The following DCHS2 variants were observed in gnomAD, a reference collection of about 807,000 sequenced individuals.
DCHS2 encodes the protein protocadherin-23.
In DCHS2, 142 loss-of-function variants were observed where a neutral mutation model predicts 182.4. The observed-to-expected ratio is 0.78, with a 90% CI of 0.68 to 0.89. The LOEUF (loss-of-function observed/expected upper bound fraction) is 0.89. DCHS2 is among the 40% of genes least tolerant of loss of function. DCHS2 has a pLI of 0.00. For missense variants in DCHS2, 4,319 were observed against 4,198.6 expected (o/e 1.03, Z -0.79); for synonymous variants, 1,740 against 1,663.3 (o/e 1.05, Z -1.12).
intron 1 of DCHS2, among the ~76,000 whole-genome samples, chr4:154,397,201 T>A (rs1297328736): frequency 6.6e-6 from 1 of 152,158 alleles, no homozygotes; most frequent in Non-Finnish European, 1.5e-5. Context: ...GAAAGAGACA[T>A]AAACAGTAAC....
intron 9 of DCHS2, among the ~76,000 whole-genome samples, chr4:154,318,871 T>C (rs1160324174): frequency 6.6e-6 from 1 of 152,032 alleles, no homozygotes; most frequent in Non-Finnish European, 1.5e-5. Context: ...AAATGGAATC[T>C]CAAAGAACCC....
At chr4:154,329,374 A>G in intron 6 of DCHS2, 149 bp downstream of exon 6, 2 of 746,514 alleles carry the variant, frequency 2.7e-6, no homozygotes, top group South Asian at 4.6e-5. Flanking sequence ...CTTTTAAAAT[A>G]ACATGTGCAC....
At chr4:154,373,906 A>T in intron 2 of DCHS2, 1 of 1,598,342 alleles carries the variant, frequency 6.3e-7, no homozygotes, top group Non-Finnish European at 8.5e-7. Context: ...TTATAGAAAC[A>T]TCATGTTCCT....
intron 13 of DCHS2, among the ~76,000 whole-genome samples, chr4:154,286,704 C>T (rs371293164): frequency 1.3e-5 from 2 of 151,914 alleles, no homozygotes; most frequent in African/African-American, 4.8e-5. Flanking sequence ...AGCACATCTA[C>T]AAGATCTAGA....
chr4:154,440,052 C>T (rs1295047720), intron 1 of DCHS2, among the ~76,000 whole-genome samples: 1 of 152,198 alleles, frequency 6.6e-6, no homozygotes, highest in African/African-American at 2.4e-5. Flanking sequence ...TCCTAACCAC[C>T]TTCTGGCAAA....
chr4:154,440,296 G>A lies in DCHS2; in HGVS notation c.2052+49008C>T, dbSNP rs558229997. On this transcript the variant is annotated intron_variant, in intron 1 of 19. Transcript: ENST00000357232. Reference sequence around the variant, plus strand: ...GTACTAAAAAAGTGTACGATTGATGGTTAGCAAACAAATGAAACTGTACTT... The same window carrying A: ...GTACTAAAAAAGTGTACGATTGATGATTAGCAAACAAATGAAACTGTACTT... Among the ~76,000 whole-genome samples, 16 of 152,302 alleles carry A rather than the reference G, an allele frequency of 1.1e-4. 1 individual carries two copies. In the South Asian group the frequency reaches 3.1e-3, roughly 30 times the overall value.
intron 16 of DCHS2, among the ~76,000 whole-genome samples, chr4:154,243,284 A>G (rs538007078): frequency 3.9e-5 from 6 of 152,342 alleles, no homozygotes; most frequent in Non-Finnish European, 7.3e-5. Flanking sequence ...GGACACCGCT[A>G]TGATGAACAC....
Position 154,490,551 on chromosome 4 carries a change from A to T in DCHS2, c.805T>A (p.Trp269Arg). Residue 269 changes from tryptophan (W) to arginine (R), a missense_variant, in exon 1 of 20, where the codon TGG becomes AGG. By Grantham distance (101) the Trp-to-Arg change is moderately radical. Coordinates refer to ENST00000357232, the MANE Select transcript of DCHS2 (RefSeq NM_001358235.2). ...GTGCGCCGGGGTCGGCCGCCGTCCC[A>T]TGCCTCGATCTGCAGCCGGTGCGCC... Reference protein sequence around the residue: ...AAAHRLQIEAWDGGRPRRTGL... With the variant: ...AAAHRLQIEARDGGRPRRTGL... 6.5e-7 allele frequency: 1 copy of T among 1,540,920 alleles called. No homozygotes were observed. Among genetic ancestry groups the T allele is most frequent in the Non-Finnish European group, 8.7e-7 (1 of 1,146,236 alleles).
chr4:154,333,376 G>C lies in DCHS2; in HGVS notation c.2832C>G (p.Pro944=). The change falls in exon 5 of 20, where the codon CCC becomes CCG. Residue 944 remains proline, a synonymous_variant. Coordinates refer to ENST00000357232, the MANE Select transcript of DCHS2 (RefSeq NM_001358235.2). ...TRKPLDHETQ[P]VVVLTVQAQL... ...GCGCCTGCACCGTGAGCACAACCAC[G>C]GGCTGCGTCTCGTGATCCAGGGGCT... 2 of 1,614,162 alleles carry C rather than the reference G, an allele frequency of 1.2e-6. No individual in the cohort carries two copies. The highest frequency in any genetic ancestry group is 2.2e-5 in the East Asian group (1 of 44,876).
rs1351908314 is a variant in DCHS2 at position 154,490,522 on chromosome 4, G to A, written c.834C>T (p.Gly278=). The A allele has an allele frequency of 2.6e-6, 4 of 1,536,146 alleles. No individual in the cohort carries two copies. The highest frequency in any genetic ancestry group is 3.5e-6 in the Non-Finnish European group (4 of 1,144,848). The change falls in exon 1 of 20, where the codon GGC becomes GGT. Residue 278 remains glycine, a synonymous_variant. Coordinates refer to ENST00000357232, the MANE Select transcript of DCHS2 (RefSeq NM_001358235.2). The part of the protein sequence containing the change: ...AWDGGRPRRT[G]LLSVELRVLD... ...GCACGCGCAGCTCCACGCTCAGGAGGCCGGTGCGCCGGGGTCGGCCGCCGT... is the reference window on the plus strand; with the variant it reads ...GCACGCGCAGCTCCACGCTCAGGAGACCGGTGCGCCGGGGTCGGCCGCCGT...
chr4:154,376,478 CAAAT>C (rs1730900843), intron 2 of DCHS2, among the ~76,000 whole-genome samples: 1 of 151,640 alleles, frequency 6.6e-6, no homozygotes, highest in Non-Finnish European at 1.5e-5. Flanking sequence ...AAAATAAAAA[CAAAT>C]AATCAAGCCT....
chr4:154,414,796 A>T (rs1055133974), intron 1 of DCHS2, among the ~76,000 whole-genome samples: 4 of 152,156 alleles, frequency 2.6e-5, no homozygotes, highest in African/African-American at 9.7e-5. Flanking sequence ...TGAAAATGAG[A>T]CCTTGCTCAC....
chr4:154,460,277 T>C (rs1023211686), intron 1 of DCHS2, among the ~76,000 whole-genome samples: 1 of 152,222 alleles, frequency 6.6e-6, no homozygotes, highest in African/African-American at 2.4e-5. Flanking sequence ...CAACCCCTTC[T>C]TAGACACACT....
intron 1 of DCHS2, among the ~76,000 whole-genome samples, chr4:154,436,800 T>G (rs1383935753): frequency 1.3e-5 from 2 of 152,194 alleles, no homozygotes; most frequent in African/African-American, 4.8e-5. Context: ...TGTATTACAA[T>G]GCACATGGAG....
chr4:154,360,454 G>A (rs980529107), intron 3 of DCHS2, among the ~76,000 whole-genome samples: 8 of 151,990 alleles, frequency 5.3e-5, no homozygotes, highest in African/African-American at 1.9e-4. Context: ...TGAAAGTAAC[G>A]TACACTGATT....
intron 12 of DCHS2, chr4:154,298,941 T>G: frequency 2.3e-6 from 1 of 425,958 alleles, no homozygotes; most frequent in East Asian, 4.1e-5. Context: ...AATGCCTATC[T>G]TTAATCAGTC....
At chr4:154,293,589 C>T (rs1033109822) in intron 13 of DCHS2, among the ~76,000 whole-genome samples, 1 of 152,176 alleles carries the variant, frequency 6.6e-6, no homozygotes, top group Admixed American at 6.5e-5. Flanking sequence ...CTTGGAAACA[C>T]GTGAGAAGCA....
chr4:154,483,352 G>C (rs1273085523), intron 1 of DCHS2, among the ~76,000 whole-genome samples: 2 of 152,188 alleles, frequency 1.3e-5, no homozygotes, highest in Non-Finnish European at 2.9e-5. Context: ...GGCAAGCTGT[G>C]ATCAGAGAGT....
At chr4:154,324,049 T>G (rs2111343585) in intron 7 of DCHS2, among the ~76,000 whole-genome samples, 1 of 152,356 alleles carries the variant, frequency 6.6e-6, no homozygotes, top group East Asian at 1.9e-4. Flanking sequence ...AAATGCTCGA[T>G]GAGTTAAACT....
Sources: gnomAD v4.1 joint callset for allele counts (sites outside exome capture counted in the v4.1 genomes callset) on GRCh38, gnomAD v4.1.1 for gene constraint, MANE v1.5 for transcripts, NCBI Gene and HGNC (gene_info 2026-07-23, HGNC 2026-07-21) for gene names.